SMIM31: variants seen among roughly 807,000 people sequenced by gnomAD.
SMIM31 encodes small integral membrane protein 31, also known as human epithelial cell program regulator.
chr4:164,758,282 T>G (rs28842580), intron 1 of SMIM31, among the ~76,000 whole-genome samples: 17,397 of 152,172 alleles, frequency 0.11, 1,107 homozygotes, highest in African/African-American at 0.16. Flanking sequence ...ATTCTTAGGA[T>G]TTTTTACATA....
rs200368340 is a variant in SMIM31 at position 164,761,922 on chromosome 4, CAAAT to C, written c.-26+7550_-26+7553del. On this transcript the variant is annotated intron_variant, in intron 1 of 2. Coordinates refer to ENST00000507311, the MANE Select transcript of SMIM31 (RefSeq NM_001352885.1). ...TGGGCGACAGAGCAAGACTCCACCT[CAAAT>C]AAATAAATAAATAAATAAATAAATA... Among the ~76,000 whole-genome samples, 578 of 146,678 alleles carry C rather than the reference CAAAT, an allele frequency of 3.9e-3. 4 individuals carry two copies. Among genetic ancestry groups the C allele is most frequent in the East Asian group, 0.019 (92 of 4,852 alleles).
chr4:164,773,909 G>A (rs1732846500), intron 2 of SMIM31, among the ~76,000 whole-genome samples: 1 of 152,182 alleles, frequency 6.6e-6, no homozygotes. Context: ...GCTCACGCCT[G>A]TAATCCCAGC....
chr4:164,789,320 G>A (rs1024029333), intron 2 of SMIM31, among the ~76,000 whole-genome samples: 2 of 152,050 alleles, frequency 1.3e-5, no homozygotes, highest in Admixed American at 1.3e-4. Flanking sequence ...AACTCACTCA[G>A]GCAAAGACCT....
chr4:164,778,840 C>G (rs1732911105), intron 2 of SMIM31, among the ~76,000 whole-genome samples: 1 of 152,028 alleles, frequency 6.6e-6, no homozygotes, highest in African/African-American at 2.4e-5. Flanking sequence ...CCAAGTTAAC[C>G]CTCATATCTA....
chr4:164,776,309 CTA>C (rs1732879340), intron 2 of SMIM31, among the ~76,000 whole-genome samples: 1 of 152,134 alleles, frequency 6.6e-6, no homozygotes, highest in Non-Finnish European at 1.5e-5. Flanking sequence ...GGAAAATAGA[CTA>C]TAAAATAATG....
chr4:164,799,008 G>T (rs541146270), intron 2 of SMIM31, among the ~76,000 whole-genome samples: 1 of 152,222 alleles, frequency 6.6e-6, no homozygotes, highest in South Asian at 2.1e-4. Flanking sequence ...AGCTCCCTGA[G>T]GCCTCCCTGG....
chr4:164,789,189 T>C (rs1316762206), intron 2 of SMIM31, among the ~76,000 whole-genome samples: 1 of 152,194 alleles, frequency 6.6e-6, no homozygotes, highest in Non-Finnish European at 1.5e-5. Context: ...CCTCTGAATG[T>C]TTGCGGATTC....
intron 1 of SMIM31, among the ~76,000 whole-genome samples, chr4:164,758,883 T>A (rs1418318853): frequency 1.4e-5 from 2 of 138,844 alleles, no homozygotes; most frequent in Non-Finnish European, 3.1e-5. Flanking sequence ...TTAGCCAGGA[T>A]GGTCTCGATC....
At chr4:164,770,068 GC>G (rs1732773232) in intron 1 of SMIM31, among the ~76,000 whole-genome samples, 1 of 152,140 alleles carries the variant, frequency 6.6e-6, no homozygotes, top group African/African-American at 2.4e-5. Context: ...AATAGCTCAA[GC>G]TTTTTCAAGT....
At chr4:164,793,698 C>A (rs912740814) in intron 2 of SMIM31, among the ~76,000 whole-genome samples, 1 of 152,030 alleles carries the variant, frequency 6.6e-6, no homozygotes, top group African/African-American at 2.4e-5. Context: ...TAGACCTGAG[C>A]CCCATCCTTA....
intron 2 of SMIM31, among the ~76,000 whole-genome samples, chr4:164,773,811 G>C (rs968337775): frequency 6.6e-6 from 1 of 152,158 alleles, no homozygotes; most frequent in Non-Finnish European, 1.5e-5. Flanking sequence ...GCCAAAGGGT[G>C]ACTGTTAGTG....
rs1045860391 is a variant in SMIM31 at position 164,755,670 on chromosome 4, A to G, written c.-26+1259A>G. On this transcript the variant is annotated intron_variant, in intron 1 of 2. Coordinates refer to ENST00000507311, the MANE Select transcript of SMIM31 (RefSeq NM_001352885.1). ...ATTATGGGATATGCCTTGAAAATTGAAATTGAATGAAACTGATGTTATTGA... is the reference window on the plus strand; with the variant it reads ...ATTATGGGATATGCCTTGAAAATTGGAATTGAATGAAACTGATGTTATTGA... 4.0e-5 allele frequency among the ~76,000 whole-genome samples: 6 copies of G among 151,452 alleles called. No homozygotes were observed. In the South Asian group the frequency reaches 6.3e-4, roughly 16 times the overall value.
chr4:164,757,149 G>A (rs62352411), intron 1 of SMIM31, among the ~76,000 whole-genome samples: 17,403 of 152,082 alleles, frequency 0.11, 1,110 homozygotes, highest in African/African-American at 0.16. Context: ...TTTTATTTGC[G>A]TGTATCTGAT....
rs78527478 is a variant in SMIM31, at chr4:164,781,993, T to C, written c.112+11438T>C. Among the ~76,000 whole-genome samples, 483 of 152,166 alleles carry C rather than the reference T, an allele frequency of 3.2e-3. 2 individuals are homozygous for C. The highest frequency in any genetic ancestry group is 0.011 in the African/African-American group (466 of 41,540). On this transcript the variant is annotated intron_variant, in intron 2 of 2. Transcript: ENST00000507311. ...TCAAAACTCATGGGCCTATCTACCT[T>C]AAAAAGTGAATTTTGGGCCGGGCAT...
chr4:164,761,637 G>A (rs1314511738), intron 1 of SMIM31, among the ~76,000 whole-genome samples: 1 of 152,052 alleles, frequency 6.6e-6, no homozygotes, highest in Admixed American at 6.6e-5. Context: ...TAAGGTCTCT[G>A]GCTGGGCACT....
At position 164,801,244 on chromosome 4, in the gene SMIM31, T is replaced by C. The variant is rs74794792; in HGVS notation, c.*50T>C. Reference sequence around the variant, plus strand: ...CTAAGAAGACAGAGGAAGCAATCCATGGGAACTACTTATCCACAGTTACAC... The same window carrying C: ...CTAAGAAGACAGAGGAAGCAATCCACGGGAACTACTTATCCACAGTTACAC... On this transcript the variant is annotated 3_prime_UTR_variant, in exon 3 of 3. Coordinates refer to ENST00000507311, the MANE Select transcript of SMIM31 (RefSeq NM_001352885.1). 24,344 of 398,544 alleles carry C rather than the reference T, an allele frequency of 0.061. 867 individuals are homozygous for C. Among genetic ancestry groups the C allele is most frequent in the Non-Finnish European group, 0.076 (17,255 of 225,834 alleles). The allele number at this position is 398,544 out of a possible 1,614,324, so 24.7% of individuals were successfully genotyped here.
chr4:164,766,639 A>C (rs929840175), intron 1 of SMIM31, among the ~76,000 whole-genome samples: 5 of 152,064 alleles, frequency 3.3e-5, no homozygotes, highest in African/African-American at 1.2e-4. Flanking sequence ...TCTACTAAAA[A>C]TACAAAAAAT....
intron 1 of SMIM31, among the ~76,000 whole-genome samples, chr4:164,756,299 G>A (rs185384220): frequency 0.01 from 1,522 of 152,172 alleles, 28 homozygotes; most frequent in African/African-American, 0.034. Flanking sequence ...GGCCGGGTGC[G>A]GTGGCTCACG....
intron 1 of SMIM31, among the ~76,000 whole-genome samples, chr4:164,764,782 C>T (rs916383498): frequency 2.0e-5 from 3 of 152,112 alleles, no homozygotes; most frequent in Admixed American, 1.3e-4. Flanking sequence ...GCCCAGGCAA[C>T]ATGACAAATT....
Sources: gnomAD v4.1 joint callset for allele counts (sites outside exome capture counted in the v4.1 genomes callset) on GRCh38, gnomAD v4.1.1 for gene constraint, MANE v1.5 for transcripts, NCBI Gene and HGNC (gene_info 2026-07-23, HGNC 2026-07-21) for gene names.